Variants in ACACB observed in about 807,000 individuals in gnomAD.
ACACB encodes the protein acetyl-CoA carboxylase beta.
Under a neutral mutation model 278.8 loss-of-function variants are expected in ACACB, and 209 were observed. The observed-to-expected ratio is 0.75, with a 90% CI of 0.67 to 0.84. ACACB has a LOEUF of 0.84. ACACB is among the 40% of genes least tolerant of loss of function. ACACB has a pLI of 0.00. For synonymous variants in ACACB, 1,174 were observed against 1,285.6 expected (o/e 0.91, Z 1.86); for missense variants, 2,850 against 3,269.0 (o/e 0.87, Z 3.13).
intron 19 of ACACB, among the ~76,000 whole-genome samples, chr12:109,204,668 G>C (rs2045442779): frequency 2.0e-5 from 3 of 151,720 alleles, no homozygotes; most frequent in African/African-American, 7.3e-5. Context: ...CCCAGACCCT[G>C]GCAGCCATCA....
At chr12:109,131,877 C>T (rs183021222) in intron 1 of ACACB, among the ~76,000 whole-genome samples, 12 of 152,136 alleles carry the variant, frequency 7.9e-5, no homozygotes, top group African/African-American at 2.7e-4. Context: ...ACTGCGTGAT[C>T]GGTGCTCATT....
chr12:109,212,994 C>A, intron 22 of ACACB, 58 bp downstream of exon 22: 4 of 1,486,458 alleles, frequency 2.7e-6, no homozygotes, highest in Non-Finnish European at 3.8e-6. Flanking sequence ...GCATGCATTG[C>A]ACCAGGGTGG....
At chr12:109,169,486 ATT>A (rs1431293598) in intron 4 of ACACB, among the ~76,000 whole-genome samples, 1 of 152,064 alleles carries the variant, frequency 6.6e-6, no homozygotes, top group Non-Finnish European at 1.5e-5. Flanking sequence ...AAAATTCAAA[ATT>A]GTCACCCAGG....
chr12:109,229,358 C>T (rs79853131), intron 28 of ACACB, among the ~76,000 whole-genome samples: 3,612 of 152,160 alleles, frequency 0.024, 149 homozygotes, highest in African/African-American at 0.082. Flanking sequence ...TGCTTGTGCA[C>T]GTGGAGTGGG....
At chr12:109,228,246 G>T (rs1370532159) in intron 28 of ACACB, among the ~76,000 whole-genome samples, 2 of 150,978 alleles carry the variant, frequency 1.3e-5, no homozygotes, top group Admixed American at 1.3e-4. Context: ...GGCTGAGGGA[G>T]AACTGCTCGA....
chr12:109,253,060 G>A lies in ACACB; in HGVS notation c.5947G>A (p.Val1983Ile), dbSNP rs138134900. ...VYTSNNQLGG[V>I]QIMHYNGVSH... is the part of the protein sequence containing the mutation. ...CACATCCAACAACCAGCTGGGTGGC[G>A]TTCAGATCATGCATTACAATGGTGT... Residue 1983 changes from valine (V) to isoleucine (I), a missense_variant, in exon 43 of 53, where the codon GTT (valine) becomes ATT (isoleucine). By Grantham distance (29) the Val-to-Ile change is conservative. Around this residue, in one of 3 missense-constraint regions of ACACB, gnomAD observed 579 missense variants for 684.6 expected, o/e 0.85. Transcript: ENST00000338432. 8.4e-5 allele frequency: 136 copies of A among 1,613,122 alleles called. No homozygotes were observed. In the African/African-American group the frequency reaches 9.5e-4, roughly 11 times the overall value.
rs766349906 is a variant in ACACB, at chr12:109,267,873, C to T, written c.*1511C>T. The T allele has an allele frequency of 6.6e-6, 1 of 152,228 alleles. No individual in the cohort carries two copies. The highest frequency in any genetic ancestry group is 1.5e-5 in the Non-Finnish European group (1 of 68,068). The allele number at this position is 152,228 out of a possible 1,614,324, so 9.4% of individuals were successfully genotyped here. A position where few individuals can be genotyped will look rare whatever the true frequency, so the allele number is the denominator to read the frequency against. On this transcript the variant is annotated 3_prime_UTR_variant, in exon 53 of 53. Transcript: ENST00000338432. The stretch of plus-strand genomic sequence containing the variant: ...TGTCCAAGGATGCTGAATGTAATGC[C>T]TGGTCAATGTGGAAGCCCATGAGGT...
chr12:109,178,714 C>T (rs1053926190), intron 9 of ACACB, among the ~76,000 whole-genome samples: 4 of 152,180 alleles, frequency 2.6e-5, no homozygotes, highest in Admixed American at 6.5e-5. Context: ...CAACAGGCAG[C>T]ACAGCAGAGA....
At chr12:109,196,568 C>T (rs2045137077) in intron 16 of ACACB, among the ~76,000 whole-genome samples, 1 of 152,154 alleles carries the variant, frequency 6.6e-6, no homozygotes, top group Non-Finnish European at 1.5e-5. Flanking sequence ...CCCAAAGGCT[C>T]CACCTCCTAA....
chr12:109,200,586 T>C (rs968649409), intron 18 of ACACB, among the ~76,000 whole-genome samples: 30 of 152,300 alleles, frequency 2.0e-4, no homozygotes, highest in African/African-American at 5.3e-4. Flanking sequence ...TGCAAAGCCA[T>C]AACCATGTGG....
At chr12:109,164,853 G>A (rs1049411454) in intron 2 of ACACB, among the ~76,000 whole-genome samples, 4 of 151,538 alleles carry the variant, frequency 2.6e-5, no homozygotes, top group Non-Finnish European at 5.9e-5. Context: ...AAGGTGCTGG[G>A]ATTACAGGTG....
chr12:109,113,788 A>C (rs1184701620), upstream of ACACB, among the ~76,000 whole-genome samples: 1 of 152,180 alleles, frequency 6.6e-6, no homozygotes, highest in East Asian at 1.9e-4. Context: ...ATTTGCAAGG[A>C]AAAACAGGTT....
At position 109,176,002 on chromosome 12, in the gene ACACB, G is replaced by C. The variant is rs774582095; in HGVS notation, c.1288G>C (p.Asp430His). The C allele has an allele frequency of 1.2e-6, 2 of 1,614,180 alleles. No homozygotes were observed. The highest frequency in any genetic ancestry group is 4.5e-5 in the East Asian group (2 of 44,884). ...KRISVPEDVY[D>H]KGCVKDVDEG... ...AATCAGTGTCCCAGAAGATGTTTAT[G>C]ACAAGGGTTGCGTGAAAGACGTAGA... Residue 430 changes from aspartate (D) to histidine (H), a missense_variant, in exon 8 of 53, where the codon GAC (aspartate) becomes CAC (histidine). Transcript: ENST00000338432.
Position 109,252,102 on chromosome 12 carries a change from G to GATCCAGGTGGAGAATTCCCACATC in ACACB, c.5852_5875dup (p.Gln1951_Ile1958dup). The GATCCAGGTGGAGAATTCCCACATC allele has an allele frequency of 6.2e-7, 1 of 1,613,608 alleles. No homozygotes were observed. The highest frequency in any genetic ancestry group is 8.5e-7 in the Non-Finnish European group (1 of 1,179,792). On this transcript the variant is annotated inframe_insertion, in exon 42 of 53. Coordinates refer to ENST00000338432, the MANE Select transcript of ACACB (RefSeq NM_001093.4). ...ACTTGGTGAGGCTGGGCCAGCGAGT[G>GATCCAGGTGGAGAATTCCCACATC]ATCCAGGTGGAGAATTCCCACATCA... is the stretch of plus-strand genomic sequence containing the variant.
intron 1 of ACACB, among the ~76,000 whole-genome samples, chr12:109,118,391 A>G (rs1010819071): frequency 4.0e-5 from 6 of 150,804 alleles, no homozygotes; most frequent in African/African-American, 1.5e-4. Context: ...GTCTTATCCC[A>G]GTAGAAACTT....
At chr12:109,193,781 G>GAAGAAAGAAACTCCCTGA in intron 16 of ACACB, 52 bp downstream of exon 16, 1 of 1,508,270 alleles carries the variant, frequency 6.6e-7, no homozygotes, top group Non-Finnish European at 9.2e-7. Flanking sequence ...AAGCTTCAGG[G>GAAGAAAGAAACTCCCTGA]AGTTTCTTTC....
Position 109,264,383 on chromosome 12 carries a change from A to G in ACACB, c.6939A>G (p.Ile2313Met). The G allele has an allele frequency of 6.2e-7, 1 of 1,613,692 alleles. No individual in the cohort carries two copies. Among genetic ancestry groups the G allele is most frequent in the Non-Finnish European group, 8.5e-7 (1 of 1,179,816 alleles). ...GCCGGATGCTGGAGAAGGGCGTCAT[A>G]TCTGTGAGAGCCACAGCTGCCGTGT... ...TPGRMLEKGV[I>M]SDILEWKTAR... Residue 2313 changes from isoleucine to methionine, a missense_variant, in exon 50 of 53, where the codon ATA becomes ATG. Ile to Met is a conservative substitution (Grantham distance 10, BLOSUM62 1). Around this residue, in one of 3 missense-constraint regions of ACACB, gnomAD observed 579 missense variants for 684.6 expected, o/e 0.85. Coordinates refer to ENST00000338432, the MANE Select transcript of ACACB (RefSeq NM_001093.4).
chr12:109,222,217 G>T (rs543343976), intron 24 of ACACB, among the ~76,000 whole-genome samples: 1 of 152,092 alleles, frequency 6.6e-6, no homozygotes, highest in Non-Finnish European at 1.5e-5. Flanking sequence ...TAATAGTAAC[G>T]TAGGCAGGGA....
intron 11 of ACACB, among the ~76,000 whole-genome samples, chr12:109,180,553 A>G (rs1026289823): frequency 6.6e-6 from 1 of 152,200 alleles, no homozygotes; most frequent in African/African-American, 2.4e-5. Context: ...CTTGGGTTAA[A>G]GGGAACTCTA....
Sources: allele counts gnomAD v4.1 joint callset (sites outside exome capture counted in the v4.1 genomes callset), GRCh38; gene constraint gnomAD v4.1.1; regional missense constraint gnomAD v4.1.1; transcripts MANE v1.5; gene names NCBI Gene and HGNC (gene_info 2026-07-23, HGNC 2026-07-21).